Variants in MIS18A observed in about 807,000 individuals in gnomAD.
MIS18A encodes MIS18 kinetochore protein A.
In MIS18A, 14 loss-of-function variants were observed where a neutral mutation model predicts 25.0. The ratio of observed to expected loss-of-function variants is 0.56; its 90% CI spans 0.37 to 0.88. The LOEUF (loss-of-function observed/expected upper bound fraction) is 0.88, where lower values mean the gene tolerates loss of function less well. Ranked by LOEUF, MIS18A falls within the 40% of genes least tolerant of loss-of-function variation. The pLI is 0.00. For missense variants in MIS18A, 292 were observed against 290.8 expected (o/e 1.00, Z -0.03); for synonymous variants, 134 against 118.6 (o/e 1.13, Z -0.84).
chr21:32,170,748 A>G, the MIS18A span, among the ~76,000 whole-genome samples: 1 of 152,042 alleles, frequency 6.6e-6, no homozygotes, highest in Non-Finnish European at 1.5e-5. Flanking sequence ...ATACTAGTGA[A>G]CGAAATCAAG....
the MIS18A span, among the ~76,000 whole-genome samples, chr21:32,173,755 G>C: frequency 1.3e-5 from 2 of 152,000 alleles, no homozygotes; most frequent in African/African-American, 2.4e-5. Context: ...TTTACTAGGG[G>C]CTAGGGGATG....
the MIS18A span, among the ~76,000 whole-genome samples, chr21:32,240,587 T>G: frequency 2.0e-5 from 3 of 152,260 alleles, no homozygotes; most frequent in Non-Finnish European, 4.4e-5. Context: ...AGACTTGGTT[T>G]CTTCTCCATC....
the MIS18A span, among the ~76,000 whole-genome samples, chr21:32,157,510 T>C: frequency 1 from 152,037 of 152,042 alleles, 76,016 homozygotes; most frequent in Middle Eastern, 1. Context: ...TTTCAATTTA[T>C]TATAGTAAAG....
the MIS18A span, among the ~76,000 whole-genome samples, chr21:32,241,426 C>A: frequency 2.0e-5 from 3 of 151,662 alleles, no homozygotes; most frequent in East Asian, 5.8e-4. Context: ...GGATGTGACC[C>A]CAAATGGTAA....
At chr21:32,205,267 G>A in the MIS18A span, among the ~76,000 whole-genome samples, 1 of 151,614 alleles carries the variant, frequency 6.6e-6, no homozygotes, top group African/African-American at 2.4e-5. Context: ...ACCACGCCCG[G>A]CTAATTTTTT....
At chr21:32,194,180 C>CT in the MIS18A span, among the ~76,000 whole-genome samples, 32 of 152,246 alleles carry the variant, frequency 2.1e-4, no homozygotes, top group East Asian at 4.6e-3. Context: ...AGCCCTGAAC[C>CT]TGTGTGGAAA....
the MIS18A span, among the ~76,000 whole-genome samples, chr21:32,193,967 G>C: frequency 2.2e-3 from 339 of 152,224 alleles, 4 homozygotes; most frequent in Middle Eastern, 0.014. Context: ...GTACCCACGA[G>C]AGGCCAGTGG....
At chr21:32,202,650 C>G in the MIS18A span, among the ~76,000 whole-genome samples, 1 of 152,194 alleles carries the variant, frequency 6.6e-6, no homozygotes, top group African/African-American at 2.4e-5. Context: ...CACATCCCCC[C>G]TTGGCAAAAA....
the MIS18A span, among the ~76,000 whole-genome samples, chr21:32,209,519 C>T: frequency 6.6e-6 from 1 of 152,270 alleles, no homozygotes; most frequent in Admixed American, 6.5e-5. Context: ...CAGGTTTTGA[C>T]ATTAAAACTG....
At chr21:32,274,971 T>C (rs1755932073) in intron 1 of MIS18A, 75 bp from the exon 2 acceptor site, 1 of 1,277,546 alleles carries the variant, frequency 7.8e-7, no homozygotes, top group South Asian at 1.3e-5. Context: ...GAGTTTCTAA[T>C]CCAACTTTTT....
At chr21:32,249,226 A>C in the MIS18A span, among the ~76,000 whole-genome samples, 1 of 152,160 alleles carries the variant, frequency 6.6e-6, no homozygotes, top group South Asian at 2.1e-4. Flanking sequence ...ATGAGAGAGC[A>C]ATGCGTTATT....
At chr21:32,229,736 T>C in the MIS18A span, among the ~76,000 whole-genome samples, 1 of 152,232 alleles carries the variant, frequency 6.6e-6, no homozygotes, top group Non-Finnish European at 1.5e-5. Flanking sequence ...AACTTCACCT[T>C]TGCCCATCAG....
intron 1 of MIS18A, among the ~76,000 whole-genome samples, chr21:32,276,482 A>G (rs975013507): frequency 6.6e-6 from 1 of 151,566 alleles, no homozygotes; most frequent in African/African-American, 2.4e-5. Context: ...AAAAAAAAAA[A>G]AAAAGGAAAA....
chr21:32,277,456 C>T (rs1272660752), intron 1 of MIS18A, among the ~76,000 whole-genome samples: 4 of 151,858 alleles, frequency 2.6e-5, no homozygotes, highest in Non-Finnish European at 5.9e-5. Context: ...CTGCTTTTTT[C>T]TTTTTTTTCT....
At chr21:32,206,390 G>A in the MIS18A span, among the ~76,000 whole-genome samples, 2 of 152,102 alleles carry the variant, frequency 1.3e-5, no homozygotes, top group South Asian at 2.1e-4. Flanking sequence ...GACTGGAGCC[G>A]GGTGGTCAGT....
At chr21:32,172,472 C>G in the MIS18A span, among the ~76,000 whole-genome samples, 1 of 151,956 alleles carries the variant, frequency 6.6e-6, no homozygotes, top group Non-Finnish European at 1.5e-5. Flanking sequence ...CTATGTATAT[C>G]AAAACATCAT....
chr21:32,169,757 T>C, the MIS18A span, among the ~76,000 whole-genome samples: 1 of 152,040 alleles, frequency 6.6e-6, no homozygotes, highest in Non-Finnish European at 1.5e-5. Flanking sequence ...CTAATAATCA[T>C]ATGAACATTA....
the MIS18A span, among the ~76,000 whole-genome samples, chr21:32,239,538 G>T: frequency 6.6e-6 from 1 of 152,332 alleles, no homozygotes; most frequent in East Asian, 1.9e-4. Flanking sequence ...GCTTTCTTGT[G>T]CTGCTCTTTG....
At chr21:32,278,190 C>T (rs530026668) in intron 1 of MIS18A, 21 of 155,012 alleles carry the variant, frequency 1.4e-4, no homozygotes, top group Non-Finnish European at 2.4e-4. Flanking sequence ...GTTGTTGGTG[C>T]TTTTATTGCA....
Sources: allele counts gnomAD v4.1 joint callset (sites outside exome capture counted in the v4.1 genomes callset), GRCh38; gene constraint gnomAD v4.1.1; transcripts MANE v1.5; gene names NCBI Gene and HGNC (gene_info 2026-07-23, HGNC 2026-07-21).